Variants in SAMD5 observed in about 807,000 individuals in gnomAD.
SAMD5 encodes sterile alpha motif domain containing 5.
A neutral mutation model predicts 11.3 loss-of-function variants in SAMD5; 13 were observed. The ratio of observed to expected loss-of-function variants is 1.15; its 90% CI spans 0.75 to 1.83. SAMD5 has a LOEUF of 1.83. Ranked by LOEUF, SAMD5 falls within the 40% of genes most tolerant of loss-of-function variation. The pLI is 0.00. For synonymous variants in SAMD5, 129 were observed against 111.3 expected (o/e 1.16, Z -1.00); for missense variants, 255 against 239.1 (o/e 1.07, Z -0.44).
chr6:147,694,339 T>A (rs577613440), intron 1 of SAMD5, among the ~76,000 whole-genome samples: 114 of 152,336 alleles, frequency 7.5e-4, no homozygotes, highest in African/African-American at 2.5e-3. Flanking sequence ...AGTGATTTCC[T>A]TGTGAAGTGG....
At chr6:147,582,575 C>T (rs567191759) in intron 1 of SAMD5, among the ~76,000 whole-genome samples, 21 of 152,258 alleles carry the variant, frequency 1.4e-4, no homozygotes, top group African/African-American at 4.3e-4. Flanking sequence ...TTAGGAAAGC[C>T]GACTTGTCCA....
chr6:147,879,348 G>A, the SAMD5 span, among the ~76,000 whole-genome samples: 143 of 152,280 alleles, frequency 9.4e-4, 1 homozygote, highest in African/African-American at 3.3e-3. Context: ...GGACTCCTCC[G>A]AGAGCAGAGA....
chr6:147,728,697 A>G (rs1432575334), intron 1 of SAMD5, among the ~76,000 whole-genome samples: 1 of 152,192 alleles, frequency 6.6e-6, no homozygotes, highest in Non-Finnish European at 1.5e-5. Context: ...GACTTAACAC[A>G]TCAAATTTTA....
At chr6:147,801,212 T>G in the SAMD5 span, among the ~76,000 whole-genome samples, 1,872 of 152,258 alleles carry the variant, frequency 0.012, 47 homozygotes, top group African/African-American at 0.042. Context: ...ACATTCCAGG[T>G]CAGAGAAATG....
At chr6:147,604,565 A>G (rs1789671138) in intron 1 of SAMD5, among the ~76,000 whole-genome samples, 1 of 152,192 alleles carries the variant, frequency 6.6e-6, no homozygotes, top group African/African-American at 2.4e-5. Context: ...TGGGGATCCA[A>G]TTTCAATTCT....
the SAMD5 span, among the ~76,000 whole-genome samples, chr6:147,795,386 G>C: frequency 7.1e-6 from 1 of 140,394 alleles, no homozygotes; most frequent in African/African-American, 2.9e-5. Flanking sequence ...CCCTACAAAG[G>C]ACATGAACTC....
chr6:147,512,604 A>G (rs1286772165), intron 1 of SAMD5, among the ~76,000 whole-genome samples: 1 of 152,184 alleles, frequency 6.6e-6, no homozygotes, highest in Admixed American at 6.5e-5. Context: ...AAAAAACAGG[A>G]GCTTAGAGAG....
At chr6:147,903,313 C>G in the SAMD5 span, among the ~76,000 whole-genome samples, 1 of 152,164 alleles carries the variant, frequency 6.6e-6, no homozygotes, top group Non-Finnish European at 1.5e-5. Flanking sequence ...TGATTGATTA[C>G]CTCAAGGTTA....
At chr6:147,730,015 G>A (rs1003986876) in intron 1 of SAMD5, 1 of 413,342 alleles carries the variant, frequency 2.4e-6, no homozygotes, top group African/African-American at 2.1e-5. Context: ...AACCCGGGAG[G>A]TGGATGTTGC....
intron 1 of SAMD5, among the ~76,000 whole-genome samples, chr6:147,721,797 T>TGGCACAA (rs1162047806): frequency 6.6e-6 from 1 of 152,194 alleles, no homozygotes; most frequent in Non-Finnish European, 1.5e-5. Context: ...TGTTGAAAGT[T>TGGCACAA]TTATACAATT....
intron 1 of SAMD5, among the ~76,000 whole-genome samples, chr6:147,510,232 G>A (rs1314850868): frequency 6.6e-6 from 1 of 152,184 alleles, no homozygotes; most frequent in East Asian, 1.9e-4. Context: ...AAGGAACCTG[G>A]AAGTTCCGAA....
At chr6:147,668,122 C>A (rs1480925643) in intron 1 of SAMD5, among the ~76,000 whole-genome samples, 12 of 152,124 alleles carry the variant, frequency 7.9e-5, no homozygotes, top group Non-Finnish European at 4.4e-5. Context: ...TGAATTTCTG[C>A]TTTTATTCTC....
At chr6:147,916,582 T>A in the SAMD5 span, among the ~76,000 whole-genome samples, 3 of 152,026 alleles carry the variant, frequency 2.0e-5, no homozygotes, top group East Asian at 3.9e-4. Context: ...ATACTTTAAG[T>A]TTTAGGGTAC....
At chr6:147,881,786 CG>C in the SAMD5 span, among the ~76,000 whole-genome samples, 1 of 152,158 alleles carries the variant, frequency 6.6e-6, no homozygotes, top group Non-Finnish European at 1.5e-5. Flanking sequence ...AGAAGTTACA[CG>C]GGTACTTGGA....
At chr6:147,810,953 A>C in the SAMD5 span, among the ~76,000 whole-genome samples, 1 of 152,200 alleles carries the variant, frequency 6.6e-6, no homozygotes, top group Non-Finnish European at 1.5e-5. Context: ...TAATACACAA[A>C]GGACCAAGTG....
intron 1 of SAMD5, among the ~76,000 whole-genome samples, chr6:147,639,375 CCA>C (rs1212439461): frequency 6.6e-6 from 1 of 152,098 alleles, no homozygotes. Flanking sequence ...TCTATGTAGC[CCA>C]CACATATATT....
chr6:147,754,754 G>A, the SAMD5 span, among the ~76,000 whole-genome samples: 1 of 151,942 alleles, frequency 6.6e-6, no homozygotes, highest in Admixed American at 6.6e-5. Context: ...AAGAGATAGG[G>A]GTCTAGTTTC....
intron 1 of SAMD5, among the ~76,000 whole-genome samples, chr6:147,693,740 C>T (rs946147500): frequency 2.0e-5 from 3 of 151,920 alleles, no homozygotes; most frequent in African/African-American, 4.8e-5. Context: ...CCAAGGTAGG[C>T]GGGGGATCAC....
chr6:147,912,214 C>G, the SAMD5 span, among the ~76,000 whole-genome samples: 4 of 152,050 alleles, frequency 2.6e-5, no homozygotes, highest in Non-Finnish European at 5.9e-5. Context: ...CTAAAAACTT[C>G]TTAGTGGGAA....
Sources: allele counts gnomAD v4.1 joint callset (sites outside exome capture counted in the v4.1 genomes callset), GRCh38; gene constraint gnomAD v4.1.1; transcripts MANE v1.5; gene names NCBI Gene and HGNC (gene_info 2026-07-23, HGNC 2026-07-21).